GTF2I: variants seen among roughly 807,000 people sequenced by gnomAD.
GTF2I encodes general transcription factor II-I.
GTF2I carries 12 observed loss-of-function variants against 67.6 expected under a neutral mutation model. That is an observed-to-expected ratio of 0.18 (90% CI 0.11 to 0.29). The LOEUF is 0.29. Ranked by LOEUF, GTF2I falls within the 10% of genes least tolerant of loss-of-function variation. The probability of loss-of-function intolerance (pLI) is 1.00; values close to 1 mark genes in which losing one functional copy is unlikely to be tolerated. For missense variants in GTF2I, 271 were observed against 580.1 expected, an observed-to-expected ratio of 0.47 and a Z score of 5.47; for synonymous variants, 149 against 197.0, an observed-to-expected ratio of 0.76 and a Z score of 2.04.
intron 12 of GTF2I, among the ~76,000 whole-genome samples, chr7:74,720,765 C>T (rs1180425686): frequency 8.5e-6 from 1 of 116,972 alleles, no homozygotes; most frequent in Admixed American, 1.1e-4. Flanking sequence ...TTTTTTGAGA[C>T]AGAGTCTGGC....
At position 74,680,711 on chromosome 7, in the gene GTF2I, G is replaced by A. The variant is rs587714481; in HGVS notation, c.-5-8413G>A. Among the ~76,000 whole-genome samples the A allele has an allele frequency of 3.9e-5, 6 of 152,208 alleles. No homozygotes were observed. In the East Asian group the frequency reaches 9.7e-4, roughly 24 times the overall value. ...TAGCAGTGATGGTGCCACTGTACTC[G>A]TCCAGGCAACAGAGTGAGACTTTGT... is the stretch of plus-strand genomic sequence containing the variant. On this transcript the variant is annotated intron_variant, in intron 1 of 34. Coordinates refer to ENST00000573035, the MANE Select transcript of GTF2I (RefSeq NM_032999.4).
chr7:74,667,268 G>A (rs1416542584), intron 1 of GTF2I, among the ~76,000 whole-genome samples: 11 of 152,032 alleles, frequency 7.2e-5, no homozygotes, highest in Non-Finnish European at 1.5e-4. Context: ...ACTTGAACCC[G>A]GGAGGTGGAG....
intron 3 of GTF2I, among the ~76,000 whole-genome samples, chr7:74,692,819 A>G (rs587760420): frequency 1.3e-5 from 2 of 152,064 alleles, no homozygotes; most frequent in African/African-American, 2.4e-5. Flanking sequence ...CTAGAGTGCA[A>G]TGGTGCGATC....
At chr7:74,724,481 TTAA>T (rs1793507193) in intron 12 of GTF2I, among the ~76,000 whole-genome samples, 1 of 152,188 alleles carries the variant, frequency 6.6e-6, no homozygotes, top group African/African-American at 2.4e-5. Context: ...GGTGTATTCG[TTAA>T]TATGTTGCAA....
chr7:74,746,051 GTTTAC>G (rs2131559267), intron 22 of GTF2I, 110 bp downstream of exon 22: 1 of 250,450 alleles, frequency 4.0e-6, no homozygotes, highest in African/African-American at 5.6e-5. Context: ...GCTTGGAGTT[GTTTAC>G]TTTGCTTTCT....
At chr7:74,722,700 G>A (rs782801722) in intron 12 of GTF2I, 13 of 152,098 alleles carry the variant, frequency 8.5e-5, no homozygotes, top group Non-Finnish European at 1.9e-4. Context: ...ATTTTGAAAG[G>A]TATATGTAAA....
At chr7:74,716,182 G>T (rs2131425063) in intron 10 of GTF2I, among the ~76,000 whole-genome samples, 1 of 152,090 alleles carries the variant, frequency 6.6e-6, no homozygotes, top group South Asian at 2.1e-4. Context: ...ATCCTAAGTG[G>T]CTCTCTGATG....
chr7:74,721,290 C>T (rs900680114), intron 12 of GTF2I, among the ~76,000 whole-genome samples: 6 of 152,214 alleles, frequency 3.9e-5, no homozygotes, highest in African/African-American at 1.4e-4. Context: ...ATCTGCCCAC[C>T]TCGGCTTCCC....
intron 1 of GTF2I, among the ~76,000 whole-genome samples, chr7:74,658,363 G>A (rs1198215429): frequency 6.8e-6 from 1 of 146,912 alleles, no homozygotes; most frequent in South Asian, 2.1e-4. Flanking sequence ...TGGCACGCGC[G>A]CGCCTCAGTG....
intron 3 of GTF2I, among the ~76,000 whole-genome samples, chr7:74,697,950 G>T (rs2465936): frequency 0.22 from 31,361 of 142,902 alleles, 3,477 homozygotes; most frequent in Non-Finnish European, 0.26. Flanking sequence ...TGTATTTTTT[G>T]TTTGTTTGTT....
chr7:74,700,520 A>G (rs1789585275), intron 5 of GTF2I, 86 bp from the exon 6 acceptor site: 2 of 1,592,078 alleles, frequency 1.3e-6, no homozygotes, highest in South Asian at 2.2e-5. Flanking sequence ...TAAAATTCAT[A>G]TTTAACACAG....
At chr7:74,712,675 G>T (rs587652051) in intron 9 of GTF2I, among the ~76,000 whole-genome samples, 4 of 143,174 alleles carry the variant, frequency 2.8e-5, no homozygotes, top group Admixed American at 6.9e-5. Context: ...TTTTTGGCGT[G>T]GGGGTGGGGA....
intron 1 of GTF2I, among the ~76,000 whole-genome samples, chr7:74,674,603 A>T (rs373229127): frequency 6.6e-6 from 1 of 151,944 alleles, no homozygotes; most frequent in African/African-American, 2.4e-5. Flanking sequence ...CAGTCGTGCA[A>T]TCTCAGCTCA....
At chr7:74,714,408 A>G (rs1791998416) in intron 9 of GTF2I, among the ~76,000 whole-genome samples, 1 of 152,144 alleles carries the variant, frequency 6.6e-6, no homozygotes, top group African/African-American at 2.4e-5. Flanking sequence ...TAAGGAAGGT[A>G]TATAACATTT....
chr7:74,717,064 G>A, intron 11 of GTF2I, 114 bp downstream of exon 11: 1 of 1,418,968 alleles, frequency 7.0e-7, no homozygotes, highest in Admixed American at 2.5e-5. Context: ...GATTCCCTTG[G>A]TATGCCTTCC....
At chr7:74,737,317 C>A (rs1794887549) in intron 18 of GTF2I, among the ~76,000 whole-genome samples, 2 of 148,592 alleles carry the variant, frequency 1.3e-5, no homozygotes, top group Admixed American at 6.7e-5. Flanking sequence ...GAAGGTGTTT[C>A]AAGTGAAGGA....
chr7:74,722,608 C>T (rs587738845), intron 12 of GTF2I: 2 of 152,102 alleles, frequency 1.3e-5, no homozygotes, highest in South Asian at 2.1e-4. Flanking sequence ...GATTTTTTTC[C>T]CTTAAATTGA....
intron 1 of GTF2I, among the ~76,000 whole-genome samples, chr7:74,686,358 A>T (rs1490921013): frequency 2.0e-5 from 3 of 152,154 alleles, no homozygotes; most frequent in Non-Finnish European, 4.4e-5. Context: ...TGATGACTTG[A>T]TGGCAGATTT....
chr7:74,699,048 T>C lies in GTF2I; in HGVS notation c.326T>C (p.Ile109Thr). Residue 109 changes from isoleucine to threonine, a missense_variant, in exon 4 of 35, where the codon ATT becomes ACT. Transcript: ENST00000573035. ...CGGATGAGTGTAGATGCTGTAGAAA[T>C]TGAAACACTCAGAAAAACAGTTGAG... ...ANRMSVDAVE[I>T]ETLRKTVEDY... 6.4e-7 allele frequency: 1 copy of C among 1,550,788 alleles called. No individual in the cohort carries two copies. Among genetic ancestry groups the C allele is most frequent in the Non-Finnish European group, 8.7e-7 (1 of 1,145,160 alleles).
Sources: gnomAD v4.1 joint callset for allele counts (sites outside exome capture counted in the v4.1 genomes callset) on GRCh38, gnomAD v4.1.1 for gene constraint, MANE v1.5 for transcripts, NCBI Gene and HGNC (gene_info 2026-07-23, HGNC 2026-07-21) for gene names.